The following USP10 variants were observed in gnomAD, a reference collection of about 807,000 sequenced individuals.
The protein encoded by USP10 is ubiquitin carboxyl-terminal hydrolase 10.
Under a neutral mutation model 84.5 loss-of-function variants are expected in USP10, and 22 were observed. The observed-to-expected ratio is 0.26, with a 90% CI of 0.19 to 0.37. The LOEUF is 0.37. Ranked by LOEUF, USP10 falls within the 10% of genes least tolerant of loss-of-function variation. USP10 has a pLI of 1.00. For synonymous variants in USP10, 454 were observed against 387.6 expected (o/e 1.17, Z -2.01); for missense variants, 1,019 against 998.9 (o/e 1.02, Z -0.27).
At chr16:84,702,459 G>A (rs1905012719) in intron 1 of USP10, among the ~76,000 whole-genome samples, 1 of 152,170 alleles carries the variant, frequency 6.6e-6, no homozygotes, top group Non-Finnish European at 1.5e-5. Flanking sequence ...CAGTCATTCT[G>A]AGCGTTTTAA....
In USP10 at chr16:84,756,113, C is replaced by G. The variant is rs368359341; in HGVS notation, c.1193-2603C>G. 1.3e-3 allele frequency among the ~76,000 whole-genome samples: 184 copies of G among 137,520 alleles called. 2 individuals are homozygous for G. Among genetic ancestry groups the G allele is most frequent in the African/African-American group, 4.6e-3 (174 of 38,218 alleles). The allele number at this position is 137,520 out of a possible 152,430, so 90.2% of individuals were successfully genotyped here. ...ACCCCCCGCCCCCCATCTCCCAACA[C>G]CCCTTCAGCTTAGCCTGTACAGTGT... On this transcript the variant is annotated intron_variant, in intron 4 of 13. Transcript: ENST00000219473.
chr16:84,774,702 C>A (rs538518059), intron 12 of USP10, among the ~76,000 whole-genome samples: 1 of 152,172 alleles, frequency 6.6e-6, no homozygotes, highest in Non-Finnish European at 1.5e-5. Flanking sequence ...GATCTCCTGA[C>A]CTCGTGATCG....
chr16:84,735,107 A>G (rs1909727379), intron 2 of USP10, among the ~76,000 whole-genome samples: 1 of 151,568 alleles, frequency 6.6e-6, no homozygotes, highest in Non-Finnish European at 1.5e-5. Context: ...ATTCACTGCA[A>G]CTTTGACCCC....
chr16:84,733,222 T>C (rs1909469064), intron 1 of USP10: 2 of 606,684 alleles, frequency 3.3e-6, no homozygotes, highest in Non-Finnish European at 6.0e-6. Flanking sequence ...AGTTTCATAG[T>C]GTTCTTTGAC....
At position 84,705,262 on chromosome 16, in the gene USP10, C is replaced by T. The variant is rs376685191; in HGVS notation, c.21+5151C>T. Among the ~76,000 whole-genome samples the T allele has an allele frequency of 4.8e-4, 73 of 151,540 alleles. No individual in the cohort carries two copies. The East Asian group carries it at 9.3e-3, about 19-fold the overall frequency. On this transcript the variant is annotated intron_variant, in intron 1 of 13. Transcript: ENST00000219473. ...TGTTTTTTTTTTTGAGACGGAGTCTCGCTCTGTCGCCCAGGCTGGAGTGCA... is the reference window on the plus strand; with the variant it reads ...TGTTTTTTTTTTTGAGACGGAGTCTTGCTCTGTCGCCCAGGCTGGAGTGCA...
chr16:84,745,844 C>G (rs1911166355), intron 4 of USP10, among the ~76,000 whole-genome samples, 171 bp downstream of exon 4: 2 of 152,268 alleles, frequency 1.3e-5, no homozygotes, highest in South Asian at 4.1e-4. Flanking sequence ...AATATAGAAA[C>G]AAATGGGAGG....
intron 10 of USP10, among the ~76,000 whole-genome samples, chr16:84,766,758 C>A (rs1252939860): frequency 6.6e-6 from 1 of 152,200 alleles, no homozygotes; most frequent in Non-Finnish European, 1.5e-5. Context: ...TGAGGGGTCT[C>A]TGTGTTGAAA....
chr16:84,700,466 C>T (rs2150745268), intron 1 of USP10, among the ~76,000 whole-genome samples: 1 of 151,972 alleles, frequency 6.6e-6, no homozygotes, highest in Non-Finnish European at 1.5e-5. Flanking sequence ...CCGGGGGAGG[C>T]GGCCCGGGGG....
At position 84,759,135 on chromosome 16, in the gene USP10, A is replaced by G; in HGVS notation, c.1285-228A>G. 6 of 595,348 alleles carry G rather than the reference A, an allele frequency of 1.0e-5. 1 individual carries two copies. Among genetic ancestry groups the G allele is most frequent in the Non-Finnish European group, 1.8e-5 (6 of 334,146 alleles). 36.9% of individuals were successfully genotyped at this position (595,348 alleles called of 1,614,324 possible). On this transcript the variant is annotated intron_variant, in intron 5 of 13. Coordinates refer to ENST00000219473, the MANE Select transcript of USP10 (RefSeq NM_005153.3). The stretch of plus-strand genomic sequence containing the variant: ...CTGATTGAACTGTCTTGGTTAGGTC[A>G]AGTTCTTGAATACAAACGACTGACT...
At chr16:84,750,704 C>G (rs962474531) in intron 4 of USP10, among the ~76,000 whole-genome samples, 23 of 152,242 alleles carry the variant, frequency 1.5e-4, no homozygotes, top group African/African-American at 5.3e-4. Context: ...TGATGTTTTG[C>G]TTTCAAAATT....
At position 84,745,277 on chromosome 16, in the gene USP10, A is replaced by G. The variant is rs756731114; in HGVS notation, c.796A>G (p.Arg266Gly). The G allele has an allele frequency of 6.2e-7, 1 of 1,613,414 alleles. No homozygotes were observed. Among genetic ancestry groups the G allele is most frequent in the Non-Finnish European group, 8.5e-7 (1 of 1,179,694 alleles). Residue 266 changes from arginine to glycine, a missense_variant, in exon 4 of 14, where the codon AGG becomes GGG. Coordinates refer to ENST00000219473, the MANE Select transcript of USP10 (RefSeq NM_005153.3). ...AGAGGCTGGCAGAGACACCCTGTCA[A>G]GGACAGCTGGGGCTCAGCCCTGCGT... Reference protein sequence around the residue: ...PAEAGRDTLSRTAGAQPCVGT... With the variant: ...PAEAGRDTLSGTAGAQPCVGT...
At chr16:84,763,273 T>G (rs923681245) in intron 9 of USP10, among the ~76,000 whole-genome samples, 185 bp downstream of exon 9, 1 of 152,056 alleles carries the variant, frequency 6.6e-6, no homozygotes, top group Non-Finnish European at 1.5e-5. Context: ...ATCCCGAACC[T>G]CTGCCATTTT....
intron 1 of USP10, among the ~76,000 whole-genome samples, chr16:84,728,358 CTT>C (rs11363022): frequency 7.4e-5 from 11 of 149,130 alleles, no homozygotes; most frequent in African/African-American, 2.0e-4. Flanking sequence ...GCCTTTTTTA[CTT>C]TTTTTTTTTC....
At chr16:84,774,268 G>A (rs1914746940) in intron 12 of USP10, among the ~76,000 whole-genome samples, 1 of 151,862 alleles carries the variant, frequency 6.6e-6, no homozygotes, top group South Asian at 2.1e-4. Flanking sequence ...TAACATAAAT[G>A]GGGGACAAGA....
intron 3 of USP10, among the ~76,000 whole-genome samples, chr16:84,744,190 A>G (rs921899092): frequency 6.6e-6 from 1 of 152,108 alleles, no homozygotes; most frequent in African/African-American, 2.4e-5. Flanking sequence ...AATCACGTTA[A>G]CTACAGAAGC....
At chr16:84,767,774 T>A (rs1212431214) in intron 10 of USP10, among the ~76,000 whole-genome samples, 3 of 137,424 alleles carry the variant, frequency 2.2e-5, no homozygotes, top group African/African-American at 7.7e-5. Flanking sequence ...AGAATTATTA[T>A]TATTTTTTTT....
intron 2 of USP10, among the ~76,000 whole-genome samples, chr16:84,733,976 C>G (rs1360558874): frequency 6.6e-6 from 1 of 152,184 alleles, no homozygotes; most frequent in Non-Finnish European, 1.5e-5. Context: ...TCTTTGATTT[C>G]CAGTGCTCAG....
intron 3 of USP10, among the ~76,000 whole-genome samples, chr16:84,742,854 C>G (rs1910783022): frequency 6.6e-6 from 1 of 152,186 alleles, no homozygotes; most frequent in South Asian, 2.1e-4. Context: ...TGGTTCTGTT[C>G]ACGTTACATC....
chr16:84,738,338 A>G (rs1316493953), intron 2 of USP10, among the ~76,000 whole-genome samples: 1 of 152,242 alleles, frequency 6.6e-6, no homozygotes, highest in Non-Finnish European at 1.5e-5. Flanking sequence ...AACACTTTTC[A>G]TGCCTCAAAA....
Sources: allele counts gnomAD v4.1 joint callset (sites outside exome capture counted in the v4.1 genomes callset), GRCh38; gene constraint gnomAD v4.1.1; transcripts MANE v1.5; gene names NCBI Gene and HGNC (gene_info 2026-07-23, HGNC 2026-07-21).